COL5A2: variants seen among roughly 807,000 people sequenced by gnomAD.
COL5A2 encodes the protein collagen alpha-2(V) chain.
A neutral mutation model predicts 208.2 loss-of-function variants in COL5A2; 23 were observed. That is an observed-to-expected ratio of 0.11 (90% confidence interval 0.08 to 0.16). The LOEUF (loss-of-function observed/expected upper bound fraction) is 0.16. Ranked by LOEUF, COL5A2 falls within the 10% of genes least tolerant of loss-of-function variation. The pLI, the probability that COL5A2 is intolerant of heterozygous loss-of-function variation, is 1.00. For missense variants in COL5A2, 1,590 were observed against 1,956.4 expected (o/e 0.81, Z 3.53); for synonymous variants, 625 against 628.5 (o/e 0.99, Z 0.08).
At chr2:189,097,456 CTA>C (rs1686943106) in intron 5 of COL5A2, 126 bp from the exon 6 acceptor site, 8 of 969,750 alleles carry the variant, frequency 8.2e-6, no homozygotes, top group Admixed American at 3.9e-5. Context: ...CAGTTGAAGA[CTA>C]TAGAGAATAA....
the COL5A2 span, among the ~76,000 whole-genome samples, chr2:189,425,760 G>A: frequency 1.3e-5 from 2 of 152,092 alleles, no homozygotes; most frequent in East Asian, 1.9e-4. Flanking sequence ...TGCTGTTCTC[G>A]TAACAGAGTT....
intron 1 of COL5A2, among the ~76,000 whole-genome samples, chr2:189,171,077 G>T (rs921723522): frequency 6.6e-6 from 1 of 152,060 alleles, no homozygotes; most frequent in Non-Finnish European, 1.5e-5. Context: ...GTGGAATCTG[G>T]ACAGTAGAGA....
the COL5A2 span, among the ~76,000 whole-genome samples, chr2:189,324,534 A>T: frequency 6.6e-6 from 1 of 152,258 alleles, no homozygotes; most frequent in East Asian, 1.9e-4. Flanking sequence ...TCAAAAGAAG[A>T]CATTTATGCA....
At chr2:189,321,606 G>A in the COL5A2 span, among the ~76,000 whole-genome samples, 1 of 151,700 alleles carries the variant, frequency 6.6e-6, no homozygotes, top group Admixed American at 6.6e-5. Flanking sequence ...AATTCAACAA[G>A]AAGAGCTAAC....
chr2:189,343,432 GTTT>G, the COL5A2 span, among the ~76,000 whole-genome samples: 1 of 151,972 alleles, frequency 6.6e-6, no homozygotes, highest in East Asian at 1.9e-4. Context: ...ACATTCTACA[GTTT>G]TTAAAAATAC....
At chr2:189,427,132 G>A in the COL5A2 span, among the ~76,000 whole-genome samples, 1 of 152,222 alleles carries the variant, frequency 6.6e-6, no homozygotes, top group African/African-American at 2.4e-5. Flanking sequence ...GGGAAGAATG[G>A]TTTATTGGGC....
chr2:189,384,427 G>A, the COL5A2 span, among the ~76,000 whole-genome samples: 20 of 151,942 alleles, frequency 1.3e-4, no homozygotes, highest in Non-Finnish European at 1.5e-4. Context: ...GTCATCTTCC[G>A]TCTTTTTGAT....
chr2:189,078,652 G>A, intron 15 of COL5A2, 83 bp from the exon 16 acceptor site: 1 of 1,110,092 alleles, frequency 9.0e-7, no homozygotes, highest in Non-Finnish European at 1.4e-6. Flanking sequence ...CAATCCAATT[G>A]AGATTCAAGA....
chr2:189,223,127 TATC>T (rs1362946086), intron 1 of COL5A2, among the ~76,000 whole-genome samples: 1 of 152,070 alleles, frequency 6.6e-6, no homozygotes, highest in African/African-American at 2.4e-5. Context: ...CAAAATATCT[TATC>T]TTATGTTCAT....
chr2:189,218,833 T>C (rs1009954638), intron 1 of COL5A2, among the ~76,000 whole-genome samples: 2 of 152,006 alleles, frequency 1.3e-5, no homozygotes, highest in Non-Finnish European at 2.9e-5. Context: ...GTGCACACAA[T>C]GATAAATGCA....
intron 1 of COL5A2, among the ~76,000 whole-genome samples, chr2:189,189,451 A>G (rs1688896362): frequency 6.6e-6 from 1 of 152,230 alleles, no homozygotes; most frequent in Admixed American, 6.5e-5. Context: ...TGGGAGGCCA[A>G]GGCCGGAGAA....
the COL5A2 span, among the ~76,000 whole-genome samples, chr2:189,402,489 G>T: frequency 6.6e-6 from 1 of 152,218 alleles, no homozygotes; most frequent in Non-Finnish European, 1.5e-5. Flanking sequence ...AAGGGGCCAA[G>T]ACACAGGCAT....
intron 2 of COL5A2, 97 bp downstream of exon 2, chr2:189,110,128 T>C (rs764540309): frequency 3.4e-4 from 322 of 956,704 alleles, no homozygotes; most frequent in Non-Finnish European, 4.6e-4. Flanking sequence ...AGCTGCTTAA[T>C]TATTCTCTTG....
At chr2:189,105,185 G>T (rs1687126047) in intron 2 of COL5A2, among the ~76,000 whole-genome samples, 1 of 151,726 alleles carries the variant, frequency 6.6e-6, no homozygotes, top group African/African-American at 2.4e-5. Flanking sequence ...ATGAGTAATT[G>T]TTACGTATAC....
chr2:189,251,919 AAAAC>A, the COL5A2 span, among the ~76,000 whole-genome samples: 1 of 152,336 alleles, frequency 6.6e-6, no homozygotes, highest in Admixed American at 6.5e-5. Context: ...TACAAGAAAA[AAAAC>A]AAACAACCCC....
At chr2:189,169,773 G>A (rs1435164521) in intron 1 of COL5A2, among the ~76,000 whole-genome samples, 2 of 152,126 alleles carry the variant, frequency 1.3e-5, no homozygotes, top group African/African-American at 2.4e-5. Context: ...GCGCAATGGC[G>A]CGATCTCAGC....
intron 5 of COL5A2, among the ~76,000 whole-genome samples, chr2:189,098,332 T>C (rs1011088710): frequency 1.3e-5 from 2 of 152,364 alleles, no homozygotes; most frequent in South Asian, 2.1e-4. Context: ...TCCTGCTGTA[T>C]GATTTCTCAA....
At chr2:189,196,610 AGGTTATCT>A (rs1689004995) in intron 1 of COL5A2, among the ~76,000 whole-genome samples, 1 of 151,464 alleles carries the variant, frequency 6.6e-6, no homozygotes, top group Non-Finnish European at 1.5e-5. Flanking sequence ...ATAATTTTGA[AGGTTATCT>A]GGCATTTAAT....
chr2:189,075,970 T>A (rs1399064519), intron 16 of COL5A2, among the ~76,000 whole-genome samples: 1 of 152,154 alleles, frequency 6.6e-6, no homozygotes, highest in African/African-American at 2.4e-5. Flanking sequence ...GAATTAGCTC[T>A]CTCAAGACTG....
Sources: gnomAD v4.1 joint callset for allele counts (sites outside exome capture counted in the v4.1 genomes callset) on GRCh38, gnomAD v4.1.1 for gene constraint, MANE v1.5 for transcripts, NCBI Gene and HGNC (gene_info 2026-07-23, HGNC 2026-07-21) for gene names.